ANKRD36C: variants seen among roughly 807,000 people sequenced by gnomAD.
ANKRD36C encodes ankyrin repeat domain 36C, also known as ankyrin repeat domain-containing protein 36C.
ANKRD36C carries 61 observed loss-of-function variants against 276.4 expected under a neutral mutation model. The observed-to-expected ratio is 0.22, with a 90% CI of 0.18 to 0.27. The LOEUF (loss-of-function observed/expected upper bound fraction) is 0.27. ANKRD36C is among the 10% of genes least tolerant of loss of function. The probability of loss-of-function intolerance (pLI) is 1.00; values close to 1 mark genes in which losing one functional copy is unlikely to be tolerated. For synonymous variants in ANKRD36C, 483 were observed against 680.1 expected (o/e 0.71, Z 4.51); for missense variants, 1,447 against 2,032.3 (o/e 0.71, Z 5.54).
intron 17 of ANKRD36C, among the ~76,000 whole-genome samples, chr2:95,946,333 A>G (rs1327589394): frequency 6.7e-6 from 1 of 150,312 alleles, no homozygotes; most frequent in Admixed American, 6.6e-5. Flanking sequence ...GCCATCAGAG[A>G]AATGCAAATC....
Position 95,859,863 on chromosome 2 carries a change from C to G in ANKRD36C, c.3894G>C (p.Leu1298Phe). The change falls in exon 61 of 67, where the codon TTG becomes TTC. Residue 1298 changes from leucine (L) to phenylalanine (F), a missense_variant and splice_region_variant. Coordinates refer to ENST00000456556, the Ensembl canonical transcript of ANKRD36C. ...ATTTATTTAAAACTAGGTCATACCT[C>G]AAACTACAGAGTTCTTTTTCCAATT... 3 of 1,549,038 alleles carry G rather than the reference C, an allele frequency of 1.9e-6. No individual in the cohort carries two copies. In the Admixed American group the frequency reaches 5.9e-5, roughly 30 times the overall value.
chr2:95,900,814 TG>T, intron 42 of ANKRD36C, among the ~76,000 whole-genome samples, 200 bp downstream of exon 56: 1 of 128,178 alleles, frequency 7.8e-6, no homozygotes, highest in Non-Finnish European at 1.7e-5. Flanking sequence ...AATTGCAATG[TG>T]GGGATGTGTA....
intron 42 of ANKRD36C, among the ~76,000 whole-genome samples, chr2:95,908,938 C>T (rs1425136535): frequency 4.8e-4 from 72 of 149,866 alleles, no homozygotes; most frequent in Non-Finnish European, 7.5e-4. Flanking sequence ...ATGCCAAAAA[C>T]TAAAATAAAA....
At chr2:95,875,956 C>G (rs1357416980) in intron 59 of ANKRD36C, 2 of 439,804 alleles carry the variant, frequency 4.5e-6, no homozygotes, top group Admixed American at 2.5e-5. Context: ...CCTATTCTCT[C>G]CCTGAACATA....
rs775815543 is a variant in ANKRD36C, at chr2:95,884,351, G to A, written c.3181C>T (p.Pro1061Ser). Reference sequence around the variant, plus strand: ...AAGAGTTTAATTACCTTCAAGGCTGGTTGTCTCTGAGAAGACACTGAAAAG... The same window carrying A: ...AAGAGTTTAATTACCTTCAAGGCTGATTGTCTCTGAGAAGACACTGAAAAG... Residue 1061 changes from proline to serine, a missense_variant, in exon 53 of 67, where the codon CCA becomes TCA. Coordinates refer to ENST00000456556, the Ensembl canonical transcript of ANKRD36C. The A allele has an allele frequency of 4.3e-5, 70 of 1,610,820 alleles. No homozygotes were observed. In the African/African-American group the frequency reaches 6.4e-4, roughly 15 times the overall value.
intron 22 of ANKRD36C, among the ~76,000 whole-genome samples, chr2:95,937,715 T>A (rs202105548): frequency 3.3e-5 from 5 of 152,250 alleles, no homozygotes; most frequent in African/African-American, 1.2e-4. Flanking sequence ...TACACTGGAG[T>A]TTTTCAGAGT....
chr2:95,968,853 A>T (rs1478597386), intron 6 of ANKRD36C, among the ~76,000 whole-genome samples: 1 of 152,210 alleles, frequency 6.6e-6, no homozygotes, highest in Non-Finnish European at 1.5e-5. Context: ...AGAGTGGCTC[A>T]GAGAACTCAT....
chr2:95,965,911 G>A (rs1179214110), intron 6 of ANKRD36C, among the ~76,000 whole-genome samples: 2 of 152,018 alleles, frequency 1.3e-5, no homozygotes, highest in Admixed American at 6.6e-5. Flanking sequence ...CACATATGTT[G>A]TAAGAGGTTT....
At chr2:95,955,522 G>A (rs1678306527) in intron 13 of ANKRD36C, among the ~76,000 whole-genome samples, 1 of 152,040 alleles carries the variant, frequency 6.6e-6, no homozygotes, top group Non-Finnish European at 1.5e-5. Flanking sequence ...CAAACTAAGA[G>A]TTTGTTTCTC....
intron 24 of ANKRD36C, among the ~76,000 whole-genome samples, chr2:95,935,211 C>T (rs992097372): frequency 1.3e-5 from 2 of 152,276 alleles, no homozygotes; most frequent in Admixed American, 6.5e-5. Context: ...ACAAATTCCA[C>T]ACTGGGATCT....
intron 54 of ANKRD36C, among the ~76,000 whole-genome samples, chr2:95,883,882 C>A (rs949768350): frequency 1.3e-5 from 2 of 151,952 alleles, no homozygotes; most frequent in Non-Finnish European, 2.9e-5. Flanking sequence ...TGAAAACATG[C>A]TGTAGAATTA....
intron 59 of ANKRD36C, among the ~76,000 whole-genome samples, chr2:95,873,988 T>G (rs1675878044): frequency 6.6e-6 from 1 of 152,092 alleles, no homozygotes; most frequent in African/African-American, 2.4e-5. Flanking sequence ...GAAGGACCTC[T>G]TCAAGGAGAA....
exon 1 of ANKRD36C, chr2:95,991,742 A>G (rs781048694): frequency 6.2e-7 from 1 of 1,605,110 alleles, no homozygotes; most frequent in South Asian, 1.1e-5. Context: ...CTGCAGCCGT[A>G]TTTCAGCTCG....
intron 60 of ANKRD36C, among the ~76,000 whole-genome samples, chr2:95,864,988 A>C (rs1558620300): frequency 1.3e-5 from 2 of 152,068 alleles, no homozygotes; most frequent in Non-Finnish European, 2.9e-5. Context: ...CTAGTGATAA[A>C]CAATCAAATG....
At chr2:95,979,207 A>G (rs2104533111) in intron 5 of ANKRD36C, among the ~76,000 whole-genome samples, 1 of 152,228 alleles carries the variant, frequency 6.6e-6, no homozygotes, top group Middle Eastern at 3.4e-3. Context: ...CAATTCTAAT[A>G]TAAGGCCACC....
chr2:95,857,125 A>C (rs576227223), intron 62 of ANKRD36C, among the ~76,000 whole-genome samples, 184 bp downstream of exon 82: 1 of 152,260 alleles, frequency 6.6e-6, no homozygotes, highest in Admixed American at 6.5e-5. Flanking sequence ...AGGCCTTTGA[A>C]CTAAAATAAA....
At chr2:95,851,634 C>T (rs371337269) in intron 66 of ANKRD36C, 60 bp downstream of exon 86, 21 of 1,346,116 alleles carry the variant, frequency 1.6e-5, no homozygotes, top group African/African-American at 2.9e-5. Context: ...ATATTTAACC[C>T]GTCCTACTGG....
chr2:95,963,322 T>C (rs573879181), intron 6 of ANKRD36C, among the ~76,000 whole-genome samples: 1 of 152,194 alleles, frequency 6.6e-6, no homozygotes. Flanking sequence ...CTTTCACATT[T>C]GGAAATGACT....
chr2:95,864,117 G>A (rs940035171), intron 60 of ANKRD36C, among the ~76,000 whole-genome samples: 3 of 151,734 alleles, frequency 2.0e-5, no homozygotes, highest in Non-Finnish European at 4.4e-5. Context: ...AATTTTGACA[G>A]GAACATAAAA....
Sources: allele counts gnomAD v4.1 joint callset (sites outside exome capture counted in the v4.1 genomes callset), GRCh38; gene constraint gnomAD v4.1.1; transcripts MANE v1.5; gene names NCBI Gene and HGNC (gene_info 2026-07-23, HGNC 2026-07-21).